Variants in TLL1 observed in about 807,000 individuals in gnomAD.
TLL1 encodes the protein tolloid-like protein 1.
A neutral mutation model predicts 128.2 loss-of-function variants in TLL1; 49 were observed. The ratio of observed to expected loss-of-function variants is 0.38; its 90% CI spans 0.30 to 0.48. The LOEUF is 0.48. Among genes scored for constraint, TLL1 ranks in the 20% least tolerant of loss-of-function variants. TLL1 has a pLI of 0.96. For synonymous variants in TLL1, 454 were observed against 418.8 expected (o/e 1.08, Z -1.03); for missense variants, 1,123 against 1,242.0 (o/e 0.90, Z 1.44).
intron 1 of TLL1, among the ~76,000 whole-genome samples, chr4:165,967,543 G>T (rs1300446816): frequency 6.6e-6 from 1 of 152,168 alleles, no homozygotes; most frequent in East Asian, 1.9e-4. Flanking sequence ...ACTCCGTTTG[G>T]GGTTCCTGAC....
chr4:165,899,895 G>A (rs958401111), intron 1 of TLL1, among the ~76,000 whole-genome samples: 1 of 152,050 alleles, frequency 6.6e-6, no homozygotes, highest in African/African-American at 2.4e-5. Flanking sequence ...ATGAATCTGG[G>A]TGCTACTGTA....
At chr4:165,918,627 T>A (rs1732889964) in intron 1 of TLL1, among the ~76,000 whole-genome samples, 1 of 152,154 alleles carries the variant, frequency 6.6e-6, no homozygotes, top group South Asian at 2.1e-4. Context: ...CTTGGTAAAG[T>A]CATAGAGCTA....
chr4:166,099,611 T>C, intron 20 of TLL1, 84 bp downstream of exon 20: 4 of 1,471,766 alleles, frequency 2.7e-6, no homozygotes, highest in Non-Finnish European at 3.7e-6. Context: ...ATTCACAAGT[T>C]GGCAATGCTT....
In TLL1 at chr4:165,897,587, A is replaced by G. The variant is rs571332877; in HGVS notation, c.169+23514A>G. Among the ~76,000 whole-genome samples, 52 of 141,990 alleles carry G rather than the reference A, an allele frequency of 3.7e-4. No homozygotes were observed. The East Asian group carries it at 0.01, about 27-fold the overall frequency. The allele number at this position is 141,990 out of a possible 152,430, so 93.2% of individuals were successfully genotyped here. ...TCTGTTCTGTTCCATTGGTCTATAT[A>G]TCTGTTTTTGTACCAGTACCATGCT... On this transcript the variant is annotated intron_variant, in intron 1 of 20. Coordinates refer to ENST00000061240, the MANE Select transcript of TLL1 (RefSeq NM_012464.5).
At chr4:165,938,170 G>T (rs1733850101) in intron 1 of TLL1, among the ~76,000 whole-genome samples, 1 of 152,044 alleles carries the variant, frequency 6.6e-6, no homozygotes. Context: ...TCAGGGCCTA[G>T]ATAATAGAGT....
chr4:165,955,519 A>G (rs1413214119), intron 1 of TLL1, among the ~76,000 whole-genome samples: 2 of 152,068 alleles, frequency 1.3e-5, no homozygotes, highest in African/African-American at 4.8e-5. Flanking sequence ...TGAGAAAGAA[A>G]AAATTATTAA....
intron 5 of TLL1, among the ~76,000 whole-genome samples, chr4:166,001,660 A>G (rs1737164317): frequency 1.3e-5 from 2 of 151,932 alleles, no homozygotes; most frequent in Non-Finnish European, 2.9e-5. Flanking sequence ...TTAGCCAGGC[A>G]TGGTGGCAGG....
intron 1 of TLL1, among the ~76,000 whole-genome samples, chr4:165,973,317 C>A (rs547750210): frequency 6.6e-6 from 1 of 152,024 alleles, no homozygotes; most frequent in African/African-American, 2.4e-5. Flanking sequence ...TTAAGGGCAT[C>A]AAATCCTGTA....
chr4:165,993,641 C>G (rs1736738895), intron 3 of TLL1, among the ~76,000 whole-genome samples: 1 of 151,838 alleles, frequency 6.6e-6, no homozygotes, highest in Admixed American at 6.6e-5. Context: ...TTCATATTGA[C>G]AGTGATAGAT....
At position 165,967,692 on chromosome 4, in the gene TLL1, G is replaced by A. The variant is rs143428991; in HGVS notation, c.170-21689G>A. 4.5e-3 allele frequency among the ~76,000 whole-genome samples: 683 copies of A among 152,290 alleles called. 8 individuals carry two copies. The highest frequency in any genetic ancestry group is 0.015 in the African/African-American group (628 of 41,566). On this transcript the variant is annotated intron_variant, in intron 1 of 20. Coordinates refer to ENST00000061240, the MANE Select transcript of TLL1 (RefSeq NM_012464.5). The stretch of plus-strand genomic sequence containing the variant: ...TACTAATTAGTTCAGCTCAGAGGTG[G>A]TGAGAGCATGATGGGACATGCTGAC...
chr4:166,091,464 A>C, intron 19 of TLL1, 123 bp downstream of exon 19: 2 of 797,382 alleles, frequency 2.5e-6, no homozygotes, highest in Non-Finnish European at 4.0e-6. Flanking sequence ...ATTTCACTGA[A>C]GCACTTTGTG....
chr4:165,948,171 C>T (rs951398983), intron 1 of TLL1, among the ~76,000 whole-genome samples: 1 of 152,076 alleles, frequency 6.6e-6, no homozygotes, highest in African/African-American at 2.4e-5. Flanking sequence ...CTTGTTCTAC[C>T]ATCCGTGTTC....
chr4:166,064,512 T>C (rs1442159364), intron 15 of TLL1, among the ~76,000 whole-genome samples: 1 of 152,132 alleles, frequency 6.6e-6, no homozygotes, highest in East Asian at 1.9e-4. Flanking sequence ...TATTCTTGTG[T>C]TCTTTAATTT....
intron 9 of TLL1, among the ~76,000 whole-genome samples, chr4:166,036,681 T>C (rs1739016523): frequency 2.6e-5 from 4 of 152,072 alleles, no homozygotes; most frequent in Admixed American, 2.6e-4. Flanking sequence ...GACTCTGTGT[T>C]TTATGTTAAT....
intron 1 of TLL1, among the ~76,000 whole-genome samples, chr4:165,908,582 CAAAAA>C (rs575726410): frequency 3.1e-5 from 2 of 63,568 alleles, no homozygotes; most frequent in Non-Finnish European, 6.8e-5. Context: ...GACCCTGTCT[CAAAAA>C]AAAAAAAAAA....
intron 1 of TLL1, among the ~76,000 whole-genome samples, chr4:165,939,103 A>G (rs1733887665): frequency 6.6e-6 from 1 of 152,020 alleles, no homozygotes; most frequent in Non-Finnish European, 1.5e-5. Flanking sequence ...TCTGATCAGA[A>G]GCTCTATGTG....
chr4:166,080,465 A>G (rs1431792726), intron 18 of TLL1, among the ~76,000 whole-genome samples: 1 of 152,142 alleles, frequency 6.6e-6, no homozygotes, highest in African/African-American at 2.4e-5. Context: ...TTAACTTATC[A>G]ATGTTAAATT....
intron 1 of TLL1, among the ~76,000 whole-genome samples, chr4:165,968,090 C>T (rs539771849): frequency 3.9e-5 from 6 of 152,288 alleles, no homozygotes; most frequent in East Asian, 1.9e-4. Flanking sequence ...ACATACAGTG[C>T]GGCTTTTCAT....
Position 166,037,209 on chromosome 4 carries a change from T to G in TLL1, c.1159-2130T>G, listed in dbSNP as rs562195159. Among the ~76,000 whole-genome samples the G allele has an allele frequency of 2.0e-5, 3 of 151,954 alleles. No homozygotes were observed. In the South Asian group the frequency reaches 6.2e-4, roughly 31 times the overall value. On this transcript the variant is annotated intron_variant, in intron 9 of 20. Transcript: ENST00000061240. The stretch of plus-strand genomic sequence containing the variant: ...AGCAGACTTAAAGTAAACACAAAGT[T>G]AAAGGGAAAAACCAGGTATTATTTC...
Sources: allele counts gnomAD v4.1 joint callset (sites outside exome capture counted in the v4.1 genomes callset), GRCh38; gene constraint gnomAD v4.1.1; transcripts MANE v1.5; gene names NCBI Gene and HGNC (gene_info 2026-07-23, HGNC 2026-07-21).